ARHGAP24: variants seen among roughly 807,000 people sequenced by gnomAD.
ARHGAP24 encodes rho GTPase-activating protein 24.
A neutral mutation model predicts 76.4 loss-of-function variants in ARHGAP24; 50 were observed. The observed-to-expected ratio is 0.65, with a 90% CI of 0.52 to 0.83. The LOEUF (loss-of-function observed/expected upper bound fraction) is 0.83, where lower values mean the gene tolerates loss of function less well. ARHGAP24 is among the 40% of genes least tolerant of loss of function. ARHGAP24 has a pLI of 0.00. For synonymous variants in ARHGAP24, 345 were observed against 323.3 expected (o/e 1.07, Z -0.72); for missense variants, 930 against 914.2 (o/e 1.02, Z -0.22).
chr4:85,663,714 A>C (rs1431802667), intron 2 of ARHGAP24, among the ~76,000 whole-genome samples: 1 of 151,612 alleles, frequency 6.6e-6, no homozygotes, highest in Admixed American at 6.6e-5. Context: ...ATTTATTGAG[A>C]GTTTTTAGCA....
intron 3 of ARHGAP24, among the ~76,000 whole-genome samples, chr4:85,921,833 TCTAG>T (rs1735735680): frequency 6.6e-6 from 1 of 152,054 alleles, no homozygotes; most frequent in Non-Finnish European, 1.5e-5. Flanking sequence ...CTGAGAGGGA[TCTAG>T]GCTGCCCGCT....
chr4:85,812,899 C>A (rs116750659), intron 3 of ARHGAP24, among the ~76,000 whole-genome samples: 1 of 152,156 alleles, frequency 6.6e-6, no homozygotes, highest in Admixed American at 6.5e-5. Context: ...TCAATTACAC[C>A]GTGACCCCAT....
intron 3 of ARHGAP24, among the ~76,000 whole-genome samples, chr4:85,890,343 C>T (rs1276765854): frequency 6.6e-6 from 1 of 152,110 alleles, no homozygotes; most frequent in Non-Finnish European, 1.5e-5. Flanking sequence ...TTACTGAGTT[C>T]CTATTGTGGC....
intron 5 of ARHGAP24, among the ~76,000 whole-genome samples, chr4:85,949,214 G>C (rs1158231613): frequency 6.6e-6 from 1 of 152,160 alleles, no homozygotes; most frequent in Non-Finnish European, 1.5e-5. Flanking sequence ...TGGCTGCGCA[G>C]ACTCTGCCTG....
At chr4:85,582,521 A>C (rs1727657497) in intron 2 of ARHGAP24, among the ~76,000 whole-genome samples, 1 of 152,132 alleles carries the variant, frequency 6.6e-6, no homozygotes, top group South Asian at 2.1e-4. Context: ...ATGAGATAGA[A>C]AACTTGGCTG....
chr4:85,564,945 T>C (rs1289821175), intron 1 of ARHGAP24, among the ~76,000 whole-genome samples: 7 of 104,210 alleles, frequency 6.7e-5, no homozygotes, highest in African/African-American at 3.0e-4. Context: ...TATATATATA[T>C]ATATATATAT....
intron 5 of ARHGAP24, among the ~76,000 whole-genome samples, chr4:85,964,096 T>G (rs149761200): frequency 1.3e-5 from 2 of 152,226 alleles, no homozygotes; most frequent in African/African-American, 4.8e-5. Context: ...AAAGTATGGA[T>G]TCATAAGCTG....
At chr4:85,510,252 C>T (rs949632031) in intron 1 of ARHGAP24, among the ~76,000 whole-genome samples, 1 of 152,152 alleles carries the variant, frequency 6.6e-6, no homozygotes, top group Non-Finnish European at 1.5e-5. Flanking sequence ...AGATACTTAT[C>T]ATTGTGAAAG....
At chr4:85,972,383 T>A in intron 6 of ARHGAP24, 1 of 600,948 alleles carries the variant, frequency 1.7e-6, no homozygotes, top group Non-Finnish European at 2.9e-6. Flanking sequence ...CTGAATAAAT[T>A]AAATCAGCAC....
chr4:85,528,597 T>C lies in ARHGAP24; in HGVS notation c.-20-41925T>C, dbSNP rs78154099. Among the ~76,000 whole-genome samples the C allele has an allele frequency of 9.6e-3, 1,467 of 152,148 alleles. 13 individuals are homozygous for C. Among genetic ancestry groups the C allele is most frequent in the East Asian group, 0.018 (93 of 5,166 alleles). On this transcript the variant is annotated intron_variant, in intron 1 of 9. Transcript: ENST00000395184. ...TTTCCTCATCTGTAAAATATGGGGA[T>C]TAGAATTGCATCTAATTTATTGGGT...
intron 1 of ARHGAP24, among the ~76,000 whole-genome samples, chr4:85,538,097 G>A (rs1278597663): frequency 1.3e-5 from 2 of 151,832 alleles, no homozygotes; most frequent in African/African-American, 2.4e-5. Context: ...ATCATTAATA[G>A]TTAGGGAGGG....
At chr4:85,500,418 A>G (rs1000464976) in intron 1 of ARHGAP24, among the ~76,000 whole-genome samples, 1 of 152,226 alleles carries the variant, frequency 6.6e-6, no homozygotes, top group Non-Finnish European at 1.5e-5. Flanking sequence ...TGAAAACTTT[A>G]TTACTGAGAA....
chr4:85,622,531 A>G (rs1720758681), intron 2 of ARHGAP24, among the ~76,000 whole-genome samples: 1 of 151,826 alleles, frequency 6.6e-6, no homozygotes, highest in Non-Finnish European at 1.5e-5. Flanking sequence ...AGTCTTTGCT[A>G]TTGTGAATAG....
intron 2 of ARHGAP24, among the ~76,000 whole-genome samples, chr4:85,661,753 T>TGA (rs1379867986): frequency 1.3e-5 from 2 of 150,482 alleles, no homozygotes; most frequent in Non-Finnish European, 3.0e-5. Context: ...CACCTATGAG[T>TGA]GAGAGCATGC....
intron 3 of ARHGAP24, among the ~76,000 whole-genome samples, chr4:85,880,290 G>T (rs1023807581): frequency 6.6e-6 from 1 of 152,148 alleles, no homozygotes; most frequent in African/African-American, 2.4e-5. Context: ...ATGAAGTGAG[G>T]TGAATGGCAC....
intron 2 of ARHGAP24, among the ~76,000 whole-genome samples, chr4:85,586,334 C>T (rs568849553): frequency 1.3e-5 from 2 of 152,230 alleles, no homozygotes; most frequent in South Asian, 2.1e-4. Flanking sequence ...CAGAGATCTA[C>T]GAAGCAGCTT....
intron 3 of ARHGAP24, among the ~76,000 whole-genome samples, chr4:85,854,961 CTAACTTTATGT>C (rs1731470048): frequency 1.3e-5 from 2 of 152,292 alleles, no homozygotes; most frequent in Non-Finnish European, 2.9e-5. Context: ...GTTCAAGGTC[CTAACTTTATGT>C]TAACTTGCTT....
At chr4:85,612,355 A>C (rs962380215) in intron 2 of ARHGAP24, among the ~76,000 whole-genome samples, 16 of 98,348 alleles carry the variant, frequency 1.6e-4, no homozygotes, top group African/African-American at 3.8e-4. Flanking sequence ...AGTTCACTGC[A>C]GAGCTGGCAG....
intron 1 of ARHGAP24, among the ~76,000 whole-genome samples, chr4:85,489,234 G>A (rs1288128416): frequency 5.9e-5 from 9 of 152,212 alleles, no homozygotes. Context: ...ATCTCTTTAA[G>A]CACTGCCTTG....
Sources: allele counts gnomAD v4.1 joint callset (sites outside exome capture counted in the v4.1 genomes callset), GRCh38; gene constraint gnomAD v4.1.1; transcripts MANE v1.5; gene names NCBI Gene and HGNC (gene_info 2026-07-23, HGNC 2026-07-21).